Variants in CASS4 observed in about 807,000 individuals in gnomAD.
The protein encoded by CASS4 is Cas scaffold protein family member 4, also known as cas scaffolding protein family member 4.
Under a neutral mutation model 54.2 loss-of-function variants are expected in CASS4, and 22 were observed. The ratio of observed to expected loss-of-function variants is 0.41; its 90% confidence interval spans 0.29 to 0.58. The LOEUF (loss-of-function observed/expected upper bound fraction) is 0.58. Ranked by LOEUF, CASS4 falls within the 20% of genes least tolerant of loss-of-function variation. CASS4 has a pLI of 0.36. For synonymous variants in CASS4, 409 were observed against 391.5 expected (o/e 1.04, Z -0.53); for missense variants, 854 against 986.7 (o/e 0.87, Z 1.80).
chr20:56,435,034 G>T (rs939068089), intron 1 of CASS4, among the ~76,000 whole-genome samples: 9 of 152,138 alleles, frequency 5.9e-5, no homozygotes, highest in African/African-American at 2.2e-4. Flanking sequence ...TTCAAAAATT[G>T]TTCATGATCT....
intron 2 of CASS4, among the ~76,000 whole-genome samples, chr20:56,439,214 G>A (rs1980343629): frequency 1.3e-5 from 2 of 151,914 alleles, no homozygotes; most frequent in South Asian, 4.2e-4. Context: ...TGTCTCCCAG[G>A]CTGGAATGCA....
chr20:56,446,031 C>G (rs922502028), intron 3 of CASS4, 30 bp downstream of exon 3: 1 of 1,458,426 alleles, frequency 6.9e-7, no homozygotes, highest in South Asian at 1.1e-5. Flanking sequence ...CCCTCATCAC[C>G]CAGACCTCTG....
intron 2 of CASS4, among the ~76,000 whole-genome samples, chr20:56,439,720 T>A (rs1446715327): frequency 6.6e-6 from 1 of 152,098 alleles, no homozygotes. Flanking sequence ...AAACTTTTTT[T>A]AATAAGGAAA....
chr20:56,436,954 A>T (rs1980204066), intron 1 of CASS4, among the ~76,000 whole-genome samples: 1 of 152,190 alleles, frequency 6.6e-6, no homozygotes, highest in Admixed American at 6.5e-5. Flanking sequence ...GGATACAGGT[A>T]AGTCTGCCCT....
intron 5 of CASS4, among the ~76,000 whole-genome samples, chr20:56,454,255 G>A (rs1366593593): frequency 6.6e-6 from 1 of 152,172 alleles, no homozygotes. Context: ...TATAGAGCGA[G>A]ATGCTTCAGT....
intron 1 of CASS4, among the ~76,000 whole-genome samples, chr20:56,422,227 C>G (rs1217886785): frequency 6.6e-6 from 1 of 152,194 alleles, no homozygotes. Flanking sequence ...TGTGAATGAA[C>G]ACACTACGAT....
chr20:56,454,412 T>C (rs1356369797), intron 5 of CASS4, among the ~76,000 whole-genome samples: 2 of 152,232 alleles, frequency 1.3e-5, no homozygotes, highest in African/African-American at 4.8e-5. Flanking sequence ...TTTGGATGTT[T>C]AAAATTTACA....
Position 56,430,640 on chromosome 20 carries a change from A to T in CASS4, c.37-6524A>T, listed in dbSNP as rs150975958. Reference sequence around the variant, plus strand: ...GCAGCGCCAGGAACATGGGTGCAGGATGAGTGCTGGCTGCTGCTATTGCAA... The same window carrying T: ...GCAGCGCCAGGAACATGGGTGCAGGTTGAGTGCTGGCTGCTGCTATTGCAA... On this transcript the variant is annotated intron_variant, in intron 1 of 5. Transcript: ENST00000679887. The surrounding 1 kb of genome is among the most constrained non-coding windows in gnomAD (Gnocchi z 4.2). Among the ~76,000 whole-genome samples, 121 of 152,276 alleles carry T rather than the reference A, an allele frequency of 7.9e-4. No homozygotes were observed. The highest frequency in any genetic ancestry group is 2.7e-3 in the African/African-American group (112 of 41,546).
At position 56,437,633 on chromosome 20, in the gene CASS4, C is replaced by T. The variant is rs1195798082; in HGVS notation, c.459+47C>T. 6.8e-7 allele frequency: 1 copy of T among 1,467,604 alleles called. No homozygotes were observed. Among genetic ancestry groups the T allele is most frequent in the South Asian group, 1.4e-5 (1 of 72,236 alleles). The allele number at this position is 1,467,604 out of a possible 1,614,324, so 90.9% of individuals were successfully genotyped here. A position where few individuals can be genotyped will look rare whatever the true frequency, so the allele number is the denominator to read the frequency against. Reference sequence around the variant, plus strand: ...AGACATGGGTTGAGGGGTATGGAAACACCCAGAGGCCTAACTACCTCTTGA... The same window carrying T: ...AGACATGGGTTGAGGGGTATGGAAATACCCAGAGGCCTAACTACCTCTTGA... On this transcript the variant is annotated intron_variant, in intron 2 of 5. Transcript: ENST00000679887. The surrounding 1 kb of genome is among the most constrained non-coding windows in gnomAD (Gnocchi z 4.7).
intron 3 of CASS4, 99 bp downstream of exon 3, chr20:56,446,100 C>T (rs190161896): frequency 1.7e-5 from 13 of 750,880 alleles, no homozygotes; most frequent in Admixed American, 5.2e-5. Context: ...ATTACCATGG[C>T]GGCCAGGGGC....
intron 1 of CASS4, among the ~76,000 whole-genome samples, chr20:56,436,585 G>T (rs1367792598): frequency 6.6e-6 from 1 of 151,872 alleles, no homozygotes; most frequent in Non-Finnish European, 1.5e-5. Flanking sequence ...AGGTACACAG[G>T]TACGAATTTC....
At chr20:56,454,190 A>C (rs1981175126) in intron 5 of CASS4, among the ~76,000 whole-genome samples, 1 of 152,156 alleles carries the variant, frequency 6.6e-6, no homozygotes, top group African/African-American at 2.4e-5. Context: ...CAAGAACAAC[A>C]ACAACAAAAA....
intron 2 of CASS4, among the ~76,000 whole-genome samples, chr20:56,444,878 A>G (rs1980630055): frequency 6.6e-6 from 1 of 152,176 alleles, no homozygotes; most frequent in Admixed American, 6.5e-5. Context: ...TGGGAGGCCA[A>G]TGTGGGCAGA....
At chr20:56,435,574 A>G (rs943178899) in intron 1 of CASS4, among the ~76,000 whole-genome samples, 5 of 152,234 alleles carry the variant, frequency 3.3e-5, no homozygotes, top group African/African-American at 1.2e-4. Flanking sequence ...GAAAGTTCAA[A>G]TAAGAAGGGG....
intron 3 of CASS4, among the ~76,000 whole-genome samples, chr20:56,448,141 CAA>C (rs11470665): frequency 0.36 from 39,042 of 109,444 alleles, 6,375 homozygotes; most frequent in East Asian, 0.58. Context: ...GACTCTGTCT[CAA>C]AAAAAAAAAA....
chr20:56,450,534 G>A lies in CASS4; in HGVS notation c.562-65G>A, dbSNP rs188548419. On this transcript the variant is annotated intron_variant, in intron 3 of 5. Transcript: ENST00000679887. ...GGAAAAAAACACTGGAATAGGGAGT[G>A]TTCGTGATGTGTAGCCATTAGGAAA... 127 of 1,437,760 alleles carry A rather than the reference G, an allele frequency of 8.8e-5. No homozygotes were observed. In the African/African-American group the frequency reaches 1.4e-3, roughly 16 times the overall value. The allele number at this position is 1,437,760 out of a possible 1,614,324, so 89.1% of individuals were successfully genotyped here.
In CASS4 at chr20:56,417,134, T is replaced by C. The variant is rs1600742076; in HGVS notation, c.36+4640T>C. 2.0e-5 allele frequency among the ~76,000 whole-genome samples: 3 copies of C among 152,358 alleles called. 1 individual carries two copies. The highest frequency in any genetic ancestry group is 2.4e-5 in the African/African-American group (1 of 41,580). On this transcript the variant is annotated intron_variant, in intron 1 of 5. Transcript: ENST00000679887. ...CTTGCTGGGACTTGGCTTGCTTCAG[T>C]GCTTCTGGGCAAGAAAGCCTGGTGA...
intron 5 of CASS4, among the ~76,000 whole-genome samples, chr20:56,457,347 C>A (rs1216507363): frequency 1.3e-5 from 2 of 152,144 alleles, no homozygotes. Context: ...CCGGAGGCAG[C>A]CTTTTCTCTT....
At chr20:56,450,456 C>G (rs6024884) in intron 3 of CASS4, 143 bp from the exon 4 acceptor site, 173,963 of 720,052 alleles carry the variant, frequency 0.24, 27,768 homozygotes, top group African/African-American at 0.59. Flanking sequence ...TCTACCATTA[C>G]AGCATCATGA....
Sources: allele counts gnomAD v4.1 joint callset (sites outside exome capture counted in the v4.1 genomes callset), GRCh38; gene constraint gnomAD v4.1.1; non-coding constraint Gnocchi (gnomAD v3.1); transcripts MANE v1.5; gene names NCBI Gene and HGNC (gene_info 2026-07-23, HGNC 2026-07-21).